Variants in TNIK observed in about 807,000 individuals in gnomAD.
TNIK encodes TRAF2 and NCK-interacting protein kinase.
In TNIK, 49 loss-of-function variants were observed where a neutral mutation model predicts 191.3. The observed-to-expected ratio is 0.26, with a 90% confidence interval of 0.20 to 0.32. The LOEUF (loss-of-function observed/expected upper bound fraction) is 0.32. Among genes scored for constraint, TNIK ranks in the 10% least tolerant of loss-of-function variants. TNIK has a pLI of 1.00. For missense variants in TNIK, 1,155 were observed against 1,702.3 expected (o/e 0.68, Z 5.66); for synonymous variants, 594 against 600.9 (o/e 0.99, Z 0.17).
intron 7 of TNIK, among the ~76,000 whole-genome samples, chr3:171,187,091 C>G (rs1266819630): frequency 2.0e-5 from 3 of 152,228 alleles, no homozygotes; most frequent in African/African-American, 7.2e-5. Flanking sequence ...CGCTGTTTCC[C>G]CATGCTATGT....
intron 2 of TNIK, among the ~76,000 whole-genome samples, chr3:171,307,997 T>C (rs1753635831): frequency 6.6e-6 from 1 of 152,148 alleles, no homozygotes; most frequent in South Asian, 2.1e-4. Flanking sequence ...TTGGCCATCC[T>C]ATCCCAAGCA....
chr3:171,212,738 C>T (rs1276144905), intron 3 of TNIK, among the ~76,000 whole-genome samples: 1 of 152,130 alleles, frequency 6.6e-6, no homozygotes, highest in East Asian at 1.9e-4. Context: ...TGAATAAATG[C>T]AACTAAAAGA....
intron 2 of TNIK, among the ~76,000 whole-genome samples, chr3:171,237,078 TC>T (rs1032551354): frequency 9.2e-5 from 14 of 152,248 alleles, no homozygotes; most frequent in African/African-American, 3.4e-4. Flanking sequence ...AGGAGCAGTC[TC>T]CTGTTCAGAA....
intron 1 of TNIK, among the ~76,000 whole-genome samples, chr3:171,455,809 C>T (rs575744207): frequency 6.6e-6 from 1 of 152,148 alleles, no homozygotes; most frequent in Admixed American, 6.5e-5. Flanking sequence ...AGGGTTCATT[C>T]CACTCCATTC....
chr3:171,191,389 C>T (rs57471520), intron 5 of TNIK, among the ~76,000 whole-genome samples: 1 of 152,054 alleles, frequency 6.6e-6, no homozygotes, highest in Non-Finnish European at 1.5e-5. Context: ...ATTACAGGTG[C>T]CTGCCACCAC....
rs1308230320 is a variant in TNIK, at chr3:171,366,520, TTAAG to T, written c.123+3096_123+3099del. 1.3e-5 allele frequency among the ~76,000 whole-genome samples: 2 copies of T among 152,180 alleles called. No homozygotes were observed. Among genetic ancestry groups the T allele is most frequent in the African/African-American group, 4.8e-5 (2 of 41,462 alleles). ...CTACATATACTTTTTATTTATTATA[TTAAG>T]TATGTTTCTTTAAAACTACCTGTAA... On this transcript the variant is annotated intron_variant, in intron 2 of 32. Transcript: ENST00000436636. This position sits in a 1 kb window ranked among gnomAD's most constrained non-coding sequence, Gnocchi z 4.1.
intron 10 of TNIK, among the ~76,000 whole-genome samples, chr3:171,164,710 C>G (rs1279670521): frequency 2.6e-5 from 4 of 152,234 alleles, no homozygotes; most frequent in Admixed American, 2.6e-4. Context: ...ATGTCTGACA[C>G]ACTGCCCTAA....
At chr3:171,238,072 T>C (rs1744516766) in intron 2 of TNIK, among the ~76,000 whole-genome samples, 1 of 152,190 alleles carries the variant, frequency 6.6e-6, no homozygotes, top group Admixed American at 6.5e-5. Flanking sequence ...AACAGATGTC[T>C]TCTGTGTCAG....
intron 1 of TNIK, among the ~76,000 whole-genome samples, chr3:171,413,040 A>G (rs901620896): frequency 6.6e-6 from 1 of 152,216 alleles, no homozygotes; most frequent in Non-Finnish European, 1.5e-5. Flanking sequence ...TCCTCTTTTT[A>G]AACACGGAAT....
intron 1 of TNIK, among the ~76,000 whole-genome samples, chr3:171,415,004 C>T (rs187401697): frequency 1.3e-5 from 2 of 152,274 alleles, no homozygotes; most frequent in South Asian, 2.1e-4. Context: ...GGACAGTCTT[C>T]CTTGGTCCAG....
chr3:171,426,900 T>C (rs191364056), intron 1 of TNIK, among the ~76,000 whole-genome samples: 256 of 152,138 alleles, frequency 1.7e-3, no homozygotes, highest in African/African-American at 5.8e-3. Context: ...CCTGGACAAA[T>C]ACCACTAAAA....
intron 15 of TNIK, 46 bp downstream of exon 15, chr3:171,138,145 A>C (rs758178459): frequency 1.8e-5 from 27 of 1,490,168 alleles, no homozygotes; most frequent in Non-Finnish European, 2.4e-5. Context: ...AACTCATTAG[A>C]GTCAAAAGCC....
At chr3:171,361,547 A>G (rs1242018224) in intron 2 of TNIK, among the ~76,000 whole-genome samples, 3 of 152,212 alleles carry the variant, frequency 2.0e-5, no homozygotes, top group African/African-American at 7.2e-5. Context: ...TGAGGATGAA[A>G]AATTCATCAA....
At position 171,282,334 on chromosome 3, in the gene TNIK, G is replaced by GTTTTTTT. The variant is rs201489240; in HGVS notation, c.124-54114_124-54113insAAAAAAA. ...GAACTATCTGCAGATTCTCTTAATG[G>GTTTTTTT]TTTTTTGTTTTTTTTTTTTTTTTTG... On this transcript the variant is annotated intron_variant, in intron 2 of 32. Coordinates refer to ENST00000436636, the MANE Select transcript of TNIK (RefSeq NM_015028.4). Among the ~76,000 whole-genome samples, 39 of 114,496 alleles carry GTTTTTTT rather than the reference G, an allele frequency of 3.4e-4. 3 individuals are homozygous for GTTTTTTT. The highest frequency in any genetic ancestry group is 5.5e-4 in the South Asian group (2 of 3,668). The allele number at this position is 114,496 out of a possible 152,430, so 75.1% of individuals were successfully genotyped here.
intron 2 of TNIK, among the ~76,000 whole-genome samples, chr3:171,257,470 A>T (rs1171834056): frequency 6.6e-6 from 1 of 152,064 alleles, no homozygotes; most frequent in Admixed American, 6.5e-5. Flanking sequence ...GTGAAATACA[A>T]AGCAGATGTT....
At chr3:171,130,555 C>T (rs1011572510) in intron 15 of TNIK, among the ~76,000 whole-genome samples, 3 of 152,150 alleles carry the variant, frequency 2.0e-5, no homozygotes, top group African/African-American at 7.2e-5. Context: ...AGAACAAAGC[C>T]AGCTTTGAGA....
At chr3:171,350,923 T>C (rs990985303) in intron 2 of TNIK, among the ~76,000 whole-genome samples, 9 of 152,124 alleles carry the variant, frequency 5.9e-5, no homozygotes, top group South Asian at 2.1e-4. Context: ...CCCATAATAA[T>C]AACACTTGCT....
chr3:171,326,244 A>T (rs1229657545), intron 2 of TNIK, among the ~76,000 whole-genome samples: 3 of 152,218 alleles, frequency 2.0e-5, no homozygotes, highest in Admixed American at 6.5e-5. Context: ...TGTTTTTAAA[A>T]TTTGTTAGTG....
chr3:171,458,695 T>C (rs567573288), intron 1 of TNIK, among the ~76,000 whole-genome samples: 1 of 152,334 alleles, frequency 6.6e-6, no homozygotes, highest in East Asian at 1.9e-4. Flanking sequence ...AGATTCAGCA[T>C]CAATCTAACA....
Sources: allele counts gnomAD v4.1 joint callset (sites outside exome capture counted in the v4.1 genomes callset), GRCh38; gene constraint gnomAD v4.1.1; non-coding constraint Gnocchi (gnomAD v3.1); transcripts MANE v1.5; gene names NCBI Gene and HGNC (gene_info 2026-07-23, HGNC 2026-07-21).